The following PLXDC2 variants were observed in gnomAD, a reference collection of about 807,000 sequenced individuals.
The protein encoded by PLXDC2 is plexin domain containing 2.
PLXDC2 carries 40 observed loss-of-function variants against 68.9 expected under a neutral mutation model. The observed-to-expected ratio is 0.58, with a 90% confidence interval of 0.45 to 0.76. PLXDC2 has a LOEUF of 0.76. PLXDC2 is among the 30% of genes least tolerant of loss of function. The pLI, the probability that PLXDC2 is intolerant of heterozygous loss-of-function variation, is 0.00. For missense variants in PLXDC2, 644 were observed against 661.9 expected (o/e 0.97, Z 0.30); for synonymous variants, 243 against 234.2 (o/e 1.04, Z -0.34).
chr10:20,189,192 A>T (rs367637439), intron 9 of PLXDC2, among the ~76,000 whole-genome samples: 1 of 75,392 alleles, frequency 1.3e-5, no homozygotes, highest in Non-Finnish European at 4.8e-5. Context: ...GATTAAATAT[A>T]ATAATACAGT....
chr10:19,961,381 T>C (rs1258687376), intron 1 of PLXDC2, among the ~76,000 whole-genome samples: 1 of 152,212 alleles, frequency 6.6e-6, no homozygotes, highest in Non-Finnish European at 1.5e-5. Context: ...TCTGAGTATG[T>C]GTAACTTGAA....
chr10:20,164,014 G>T (rs1834340508), intron 6 of PLXDC2, among the ~76,000 whole-genome samples: 1 of 152,028 alleles, frequency 6.6e-6, no homozygotes, highest in South Asian at 2.1e-4. Context: ...TTTTTCTCTA[G>T]ATTTTATATC....
chr10:19,960,160 C>A (rs79112514), intron 1 of PLXDC2, among the ~76,000 whole-genome samples: 18,502 of 138,246 alleles, frequency 0.13, 1,331 homozygotes, highest in East Asian at 0.25. Flanking sequence ...AAGTTTGATA[C>A]CAGACTGGCA....
At chr10:19,907,850 AAC>A (rs1833194970) in intron 1 of PLXDC2, among the ~76,000 whole-genome samples, 1 of 152,170 alleles carries the variant, frequency 6.6e-6, no homozygotes, top group Non-Finnish European at 1.5e-5. Context: ...TATTGCCATG[AAC>A]CTCACGCACA....
intron 3 of PLXDC2, among the ~76,000 whole-genome samples, chr10:20,062,084 C>G (rs530718407): frequency 6.6e-6 from 1 of 152,118 alleles, no homozygotes; most frequent in South Asian, 2.1e-4. Context: ...GATAATCTTT[C>G]GAAGAAGTGT....
At chr10:19,842,854 G>A (rs539858317) in intron 1 of PLXDC2, among the ~76,000 whole-genome samples, 4 of 152,014 alleles carry the variant, frequency 2.6e-5, no homozygotes, top group Admixed American at 1.3e-4. Flanking sequence ...GCTCTATAAA[G>A]CCTTCTTATC....
intron 2 of PLXDC2, among the ~76,000 whole-genome samples, chr10:20,031,805 ATTATTTATTTATTTATTTAT>A (rs144152981): frequency 6.1e-5 from 9 of 148,272 alleles, no homozygotes; most frequent in South Asian, 4.3e-4. Flanking sequence ...AGTTGTTTTT[ATTATTTATTTATTTATTTAT>A]TTATTTATTT....
chr10:20,200,302 A>G (rs1247181308), intron 9 of PLXDC2, among the ~76,000 whole-genome samples: 1 of 152,078 alleles, frequency 6.6e-6, no homozygotes, highest in Non-Finnish European at 1.5e-5. Flanking sequence ...AAAATGTAGA[A>G]ATACAAAGAG....
chr10:19,829,600 G>A lies in PLXDC2; in HGVS notation c.112+12409G>A, dbSNP rs534517549. On this transcript the variant is annotated intron_variant, in intron 1 of 13. Coordinates refer to ENST00000377252, the MANE Select transcript of PLXDC2 (RefSeq NM_032812.9). Reference sequence around the variant, plus strand: ...AAAAATTAGCCAGACGTGGTGGCGGGCACCTGTAGTCCCAGCTACTCGGAG... The same window carrying A: ...AAAAATTAGCCAGACGTGGTGGCGGACACCTGTAGTCCCAGCTACTCGGAG... Among the ~76,000 whole-genome samples, 26 of 152,162 alleles carry A rather than the reference G, an allele frequency of 1.7e-4. 1 individual carries two copies. The East Asian group carries it at 4.8e-3, about 28-fold the overall frequency.
At chr10:20,161,956 G>A (rs1474429544) in intron 6 of PLXDC2, among the ~76,000 whole-genome samples, 3 of 151,506 alleles carry the variant, frequency 2.0e-5, no homozygotes, top group Admixed American at 6.6e-5. Flanking sequence ...GCTTGAACCC[G>A]GGAGGTGGTG....
intron 1 of PLXDC2, among the ~76,000 whole-genome samples, chr10:19,857,095 A>G (rs896250748): frequency 2.0e-5 from 3 of 152,224 alleles, no homozygotes; most frequent in Non-Finnish European, 2.9e-5. Flanking sequence ...CACAAGAAGC[A>G]ACAAGTTACC....
chr10:19,923,852 C>G (rs1184232814), intron 1 of PLXDC2, among the ~76,000 whole-genome samples: 1 of 152,086 alleles, frequency 6.6e-6, no homozygotes, highest in African/African-American at 2.4e-5. Flanking sequence ...TTGCTTGAGC[C>G]CACGAGTTCA....
chr10:19,857,972 T>G (rs764424774), intron 1 of PLXDC2, among the ~76,000 whole-genome samples: 14 of 152,322 alleles, frequency 9.2e-5, no homozygotes, highest in Middle Eastern at 3.4e-3. Flanking sequence ...TGGACTTGCC[T>G]GTTGTTTGAC....
chr10:20,137,506 C>A (rs1243737223), intron 4 of PLXDC2, among the ~76,000 whole-genome samples: 4 of 152,158 alleles, frequency 2.6e-5, no homozygotes, highest in Non-Finnish European at 5.9e-5. Context: ...TTTATGAAAT[C>A]TTCCAATTAA....
intron 4 of PLXDC2, among the ~76,000 whole-genome samples, chr10:20,122,707 G>T (rs1833716519): frequency 6.6e-6 from 1 of 152,330 alleles, no homozygotes; most frequent in East Asian, 1.9e-4. Context: ...TGGAGATGTG[G>T]CTGGGGTTTG....
At chr10:20,174,709 G>C (rs1252348448) in intron 7 of PLXDC2, among the ~76,000 whole-genome samples, 1 of 151,976 alleles carries the variant, frequency 6.6e-6, no homozygotes, top group Non-Finnish European at 1.5e-5. Flanking sequence ...GAGTTAATGG[G>C]TGCAGCACAC....
chr10:20,165,547 T>C (rs1030563575), intron 7 of PLXDC2, among the ~76,000 whole-genome samples: 3 of 152,096 alleles, frequency 2.0e-5, no homozygotes, highest in Non-Finnish European at 4.4e-5. Flanking sequence ...TTTGTTCTTG[T>C]GATAGTTTAC....
At chr10:19,941,530 G>C (rs1219933707) in intron 1 of PLXDC2, among the ~76,000 whole-genome samples, 1 of 152,198 alleles carries the variant, frequency 6.6e-6, no homozygotes, top group Admixed American at 6.5e-5. Context: ...GGAACCAGCA[G>C]TATTGACTAT....
At chr10:20,079,753 G>T (rs1020511862) in intron 4 of PLXDC2, among the ~76,000 whole-genome samples, 1 of 152,172 alleles carries the variant, frequency 6.6e-6, no homozygotes, top group East Asian at 1.9e-4. Flanking sequence ...TGGACACAGG[G>T]AGGGGAACAT....
Sources: gnomAD v4.1 joint callset for allele counts (sites outside exome capture counted in the v4.1 genomes callset) on GRCh38, gnomAD v4.1.1 for gene constraint, MANE v1.5 for transcripts, NCBI Gene and HGNC (gene_info 2026-07-23, HGNC 2026-07-21) for gene names.